Variants in BMERB1 observed in about 807,000 individuals in gnomAD.
The protein encoded by BMERB1 is bMERB domain-containing protein 1.
In BMERB1, 12 loss-of-function variants were observed where a neutral mutation model predicts 23.6. That is an observed-to-expected ratio of 0.51 (90% confidence interval 0.33 to 0.82). The LOEUF (loss-of-function observed/expected upper bound fraction) is 0.82, where lower values mean the gene tolerates loss of function less well. BMERB1 is among the 40% of genes least tolerant of loss of function. The pLI is 0.03. For synonymous variants in BMERB1, 122 were observed against 96.6 expected, an observed-to-expected ratio of 1.26 and a Z score of -1.54; for missense variants, 247 against 255.4, an observed-to-expected ratio of 0.97 and a Z score of 0.22.
intron 2 of BMERB1, among the ~76,000 whole-genome samples, chr16:15,544,398 T>C (rs1226735793): frequency 6.6e-6 from 1 of 152,228 alleles, no homozygotes; most frequent in Non-Finnish European, 1.5e-5. Flanking sequence ...TTTAGTTCAC[T>C]GGGCACATTC....
At chr16:15,471,253 G>A (rs1473915193) in intron 1 of BMERB1, among the ~76,000 whole-genome samples, 1 of 151,954 alleles carries the variant, frequency 6.6e-6, no homozygotes, top group African/African-American at 2.4e-5. Flanking sequence ...TTTGGCCTAT[G>A]GATGTCCAAT....
chr16:15,494,764 G>C (rs752068139), intron 1 of BMERB1, among the ~76,000 whole-genome samples: 21 of 150,986 alleles, frequency 1.4e-4, no homozygotes, highest in Non-Finnish European at 2.5e-4. Flanking sequence ...AAGCAACAAA[G>C]AATTTGTTTA....
intron 2 of BMERB1, among the ~76,000 whole-genome samples, chr16:15,524,761 ACT>A (rs2051890412): frequency 1.3e-5 from 2 of 152,160 alleles, no homozygotes; most frequent in African/African-American, 4.8e-5. Context: ...ACAGAATGAG[ACT>A]CTGTGTCAAA....
chr16:15,507,746 G>A (rs8062853), intron 1 of BMERB1, among the ~76,000 whole-genome samples: 136,744 of 152,160 alleles, frequency 0.9, 63,285 homozygotes, highest in East Asian at 1. Flanking sequence ...CTGGAAAGAA[G>A]CTGACTGTGT....
At chr16:15,554,229 G>C (rs1480800534) in intron 2 of BMERB1, among the ~76,000 whole-genome samples, 4 of 151,982 alleles carry the variant, frequency 2.6e-5, no homozygotes, top group African/African-American at 9.7e-5. Flanking sequence ...AGTCCCAGTC[G>C]AGAGCATGGG....
chr16:15,442,406 C>T (rs1307773060), intron 1 of BMERB1, among the ~76,000 whole-genome samples: 1 of 150,954 alleles, frequency 6.6e-6, no homozygotes, highest in Non-Finnish European at 1.5e-5. Flanking sequence ...TAAGTTATTG[C>T]AAAACTATTA....
At chr16:15,508,161 G>C (rs1306097218) in intron 1 of BMERB1, among the ~76,000 whole-genome samples, 1 of 152,166 alleles carries the variant, frequency 6.6e-6, no homozygotes, top group Non-Finnish European at 1.5e-5. Context: ...TGACCACCCA[G>C]GGCTGTTTTG....
chr16:15,584,180 G>C, intron 5 of BMERB1: 1 of 603,568 alleles, frequency 1.7e-6, no homozygotes, highest in South Asian at 2.0e-5. Context: ...GGATCCTGCT[G>C]TCAAGAAACT....
intron 2 of BMERB1, among the ~76,000 whole-genome samples, chr16:15,526,173 A>G (rs908163563): frequency 6.6e-6 from 1 of 152,176 alleles, no homozygotes; most frequent in Non-Finnish European, 1.5e-5. Flanking sequence ...AGAACATTCT[A>G]TTCACCAGCA....
At chr16:15,563,753 A>G (rs913960857) in intron 2 of BMERB1, among the ~76,000 whole-genome samples, 7 of 152,118 alleles carry the variant, frequency 4.6e-5, no homozygotes, top group Non-Finnish European at 7.4e-5. Flanking sequence ...AGAACTCACT[A>G]TCATGAGAAC....
chr16:15,528,277 C>T, intron 2 of BMERB1, among the ~76,000 whole-genome samples: 1 of 151,994 alleles, frequency 6.6e-6, no homozygotes, highest in East Asian at 1.9e-4. Context: ...AGGAAGGGCA[C>T]CGTCTTCTCA....
At chr16:15,527,877 C>T (rs1031580263) in intron 2 of BMERB1, among the ~76,000 whole-genome samples, 3 of 152,226 alleles carry the variant, frequency 2.0e-5, no homozygotes, top group East Asian at 3.9e-4. Context: ...AATTAGACAT[C>T]ATTCTTGACC....
rs753513364 is a variant in BMERB1, at chr16:15,449,918, AT to A, written c.106+15172del. On this transcript the variant is annotated intron_variant, in intron 1 of 5. Coordinates refer to ENST00000300006, the MANE Select transcript of BMERB1 (RefSeq NM_033201.3). The stretch of plus-strand genomic sequence containing the variant: ...ATTTTTCTTTTTTGTTTTCTTTAAA[AT>A]TTTTTTTTTTTTGGTAGAGATGGGG... Among the ~76,000 whole-genome samples, 930 of 146,334 alleles carry A rather than the reference AT, an allele frequency of 6.4e-3. 13 individuals carry two copies. The highest frequency in any genetic ancestry group is 0.019 in the African/African-American group (758 of 39,882).
At chr16:15,511,650 A>G (rs2051666870) in intron 1 of BMERB1, among the ~76,000 whole-genome samples, 2 of 152,180 alleles carry the variant, frequency 1.3e-5, no homozygotes, top group South Asian at 2.1e-4. Flanking sequence ...GACAGGTCAA[A>G]TATTTTCCTC....
At chr16:15,441,022 G>C (rs2090725086) in intron 1 of BMERB1, among the ~76,000 whole-genome samples, 1 of 152,192 alleles carries the variant, frequency 6.6e-6, no homozygotes, top group African/African-American at 2.4e-5. Flanking sequence ...TTGTGCTAGA[G>C]GAAGAGACAG....
At chr16:15,498,599 A>G (rs2051497313) in intron 1 of BMERB1, among the ~76,000 whole-genome samples, 1 of 151,416 alleles carries the variant, frequency 6.6e-6, no homozygotes, top group African/African-American at 2.4e-5. Context: ...AAGGGAAGGG[A>G]GAAAGGAAGG....
intron 1 of BMERB1, among the ~76,000 whole-genome samples, chr16:15,442,910 C>T (rs559832215): frequency 6.6e-6 from 1 of 152,248 alleles, no homozygotes; most frequent in Non-Finnish European, 1.5e-5. Context: ...CCAGCCTTCA[C>T]TCTTAAAAGG....
chr16:15,570,356 A>G (rs1326165964), intron 3 of BMERB1, among the ~76,000 whole-genome samples: 1 of 152,222 alleles, frequency 6.6e-6, no homozygotes, highest in African/African-American at 2.4e-5. Context: ...CAAGTGCAGC[A>G]TGATGAGCCT....
Position 15,583,252 on chromosome 16 carries a change from T to C in BMERB1, c.502+14T>C. ...AATCTCCAGCCAGTGAGTATATACA[T>C]TATTCATTCCCCTCCCCCACAAAAG... On this transcript the variant is annotated intron_variant, in intron 5 of 5. Coordinates refer to ENST00000300006, the MANE Select transcript of BMERB1 (RefSeq NM_033201.3). 6.4e-7 allele frequency: 1 copy of C among 1,562,336 alleles called. No individual in the cohort carries two copies. Among genetic ancestry groups the C allele is most frequent in the Non-Finnish European group, 8.8e-7 (1 of 1,133,072 alleles).
Sources: gnomAD v4.1 joint callset for allele counts (sites outside exome capture counted in the v4.1 genomes callset) on GRCh38, gnomAD v4.1.1 for gene constraint, MANE v1.5 for transcripts, NCBI Gene and HGNC (gene_info 2026-07-23, HGNC 2026-07-21) for gene names.